Variants in KIFC3 observed in about 807,000 individuals in gnomAD.
KIFC3 encodes kinesin family member C3.
Under a neutral mutation model 101.8 loss-of-function variants are expected in KIFC3, and 60 were observed. The ratio of observed to expected loss-of-function variants is 0.59; its 90% CI spans 0.48 to 0.73. KIFC3 has a LOEUF of 0.73. Among genes scored for constraint, KIFC3 ranks in the 30% least tolerant of loss-of-function variants. The pLI is 0.00. For synonymous variants in KIFC3, 476 were observed against 482.7 expected (o/e 0.99, Z 0.18); for missense variants, 966 against 1,137.1 (o/e 0.85, Z 2.16).
chr16:57,798,614 G>C, intron 1 of KIFC3: 1 of 419,648 alleles, frequency 2.4e-6, no homozygotes, highest in Non-Finnish European at 4.3e-6. Context: ...AGGAGGCACC[G>C]CGAGTCAGCA....
intron 1 of KIFC3, among the ~76,000 whole-genome samples, chr16:57,845,289 G>A (rs1475805263): frequency 6.6e-6 from 1 of 152,110 alleles, no homozygotes; most frequent in Non-Finnish European, 1.5e-5. Context: ...CACTGCCAGT[G>A]CCCCCACCAT....
At chr16:57,775,422 G>C in intron 3 of KIFC3, 1 of 1,033,196 alleles carries the variant, frequency 9.7e-7, no homozygotes, top group Admixed American at 5.6e-5. Flanking sequence ...GCTCTACTGG[G>C]GGCTAGGTCT....
chr16:57,812,750 G>T lies in KIFC3; in HGVS notation c.109-14468C>A, dbSNP rs559860486. Reference sequence around the variant, plus strand: ...CCTGGACTGGAAACACCGAAACACCGGGCTGGCCAGGGCGCTCTCAGTTGC... The same window carrying T: ...CCTGGACTGGAAACACCGAAACACCTGGCTGGCCAGGGCGCTCTCAGTTGC... On this transcript the variant is annotated intron_variant, in intron 1 of 2. Coordinates refer to the KIFC3 transcript ENST00000563028. 4.6e-5 allele frequency among the ~76,000 whole-genome samples: 7 copies of T among 152,316 alleles called. No individual in the cohort carries two copies. The South Asian group carries it at 1.4e-3, about 32-fold the overall frequency.
chr16:57,765,583 G>C lies in KIFC3; in HGVS notation c.1388C>G (p.Pro463Arg), dbSNP rs2050396291. The C allele has an allele frequency of 1.2e-6, 2 of 1,610,970 alleles. No homozygotes were observed. Among genetic ancestry groups the C allele is most frequent in the African/African-American group, 1.3e-5 (1 of 74,902 alleles). The change falls in exon 11 of 20, where the codon CCT (proline) becomes CGT (arginine). Residue 463 changes from proline (P) to arginine (R), a missense_variant. Around this residue, in one of 2 missense-constraint regions of KIFC3, gnomAD observed 689 missense variants for 884.6 expected, o/e 0.78. Coordinates refer to ENST00000445690, the MANE Select transcript of KIFC3 (RefSeq NM_001130100.2). ...RPVTKEDGEG[P>R]EATNAVTFDA... Reference sequence around the variant, plus strand: ...GAAAGTCACAGCATTGGTGGCCTCAGGTCCTTCCCCATCCTCTTTGGTGAC... The same window carrying C: ...GAAAGTCACAGCATTGGTGGCCTCACGTCCTTCCCCATCCTCTTTGGTGAC...
At chr16:57,825,077 A>C (rs2911347) in intron 1 of KIFC3, among the ~76,000 whole-genome samples, 46,138 of 152,200 alleles carry the variant, frequency 0.3, 7,303 homozygotes, top group South Asian at 0.33. Flanking sequence ...AATGTGGCCT[A>C]CAGCACAACT....
chr16:57,845,424 C>T (rs1340029519), intron 1 of KIFC3, among the ~76,000 whole-genome samples: 1 of 152,170 alleles, frequency 6.6e-6, no homozygotes, highest in African/African-American at 2.4e-5. Flanking sequence ...GTCTGTGGCC[C>T]CCATATCGCT....
At position 57,797,705 on chromosome 16, in the gene KIFC3, C is replaced by CT. The variant is rs550496124; in HGVS notation, c.172+366dup. The CT allele has an allele frequency of 2.3e-4, 261 of 1,151,210 alleles. 1 individual carries two copies. The African/African-American group carries it at 4.2e-3, about 18-fold the overall frequency. 71.3% of individuals were successfully genotyped at this position (1,151,210 alleles called of 1,614,324 possible). A position where few individuals can be genotyped will look rare whatever the true frequency, so the allele number is the denominator to read the frequency against. On this transcript the variant is annotated intron_variant, in intron 2 of 19. Coordinates refer to ENST00000445690, the MANE Select transcript of KIFC3 (RefSeq NM_001130100.2). Reference sequence around the variant, plus strand: ...GTGCCCAGGCAGCCACTTCACCTACCTTGTTTACCAGCCTGGGCAGAGACC... The same window carrying CT: ...GTGCCCAGGCAGCCACTTCACCTACCTTTGTTTACCAGCCTGGGCAGAGACC...
chr16:57,765,761 C>T (rs1209617301), intron 10 of KIFC3, 121 bp from the exon 11 acceptor site: 1 of 869,832 alleles, frequency 1.1e-6, no homozygotes, highest in Non-Finnish European at 1.7e-6. Flanking sequence ...TAAGCACAGC[C>T]CCCTAGGGGA....
intron 11 of KIFC3, 30 bp from the exon 12 acceptor site, chr16:57,764,277 G>A: frequency 7.8e-7 from 1 of 1,288,834 alleles, no homozygotes; most frequent in Non-Finnish European, 1.1e-6. Context: ...GAGGCTGGTG[G>A]GGGGGCTTCC....
chr16:57,770,471 CA>C, intron 7 of KIFC3, 55 bp downstream of exon 7: 2 of 1,350,642 alleles, frequency 1.5e-6, no homozygotes, highest in Non-Finnish European at 1.9e-6. Context: ...TGCATTGGCC[CA>C]AGGGCCTGCC....
At chr16:57,774,824 G>C (rs1452796929) in intron 3 of KIFC3, 6 of 1,264,920 alleles carry the variant, frequency 4.7e-6, no homozygotes, top group Non-Finnish European at 6.2e-6. Context: ...CCTGCGCCCG[G>C]CCAGTAATTT....
At chr16:57,821,764 T>C (rs2967140) in intron 1 of KIFC3, among the ~76,000 whole-genome samples, 75,812 of 151,990 alleles carry the variant, frequency 0.5, 20,222 homozygotes, top group African/African-American at 0.68. Context: ...GAAAAAAAAT[T>C]TGTGTGGGCA....
rs565001100 is a variant in KIFC3, at chr16:57,862,618, C to T, written c.108+111G>A. On this transcript the variant is annotated intron_variant, in intron 1 of 2. Transcript: ENST00000563028. ...AACCATCTTCTAAGAATATTAGCTA[C>T]AATCCCAATCACTGTTTTTCAAAAA... 40 of 306,706 alleles carry T rather than the reference C, an allele frequency of 1.3e-4. 2 individuals are homozygous for T. The Admixed American group carries it at 1.5e-3, about 11-fold the overall frequency. The allele number at this position is 306,706 out of a possible 1,614,324, so 19.0% of individuals were successfully genotyped here.
In KIFC3 at chr16:57,798,471, G is replaced by T. The variant is rs74022053; in HGVS notation, c.-39-189C>A. 2,856 of 609,786 alleles carry T rather than the reference G, an allele frequency of 4.7e-3. 75 individuals are homozygous for T. The African/African-American group carries it at 0.049, about 10-fold the overall frequency. The allele number at this position is 609,786 out of a possible 1,614,324, so 37.8% of individuals were successfully genotyped here. ...ATGAAATGGGGCCTGCTGCCTTTTG[G>T]GGGTATTTGTTTCCGAATACGGAGG... On this transcript the variant is annotated intron_variant, in intron 1 of 19. Coordinates refer to ENST00000445690, the MANE Select transcript of KIFC3 (RefSeq NM_001130100.2).
intron 1 of KIFC3, among the ~76,000 whole-genome samples, chr16:57,856,554 AAAG>A (rs2056173427): frequency 2.0e-5 from 3 of 151,928 alleles, no homozygotes; most frequent in Admixed American, 2.0e-4. Context: ...AGAAAGAAAA[AAAG>A]AAAGAAAGAA....
At chr16:57,830,085 C>T (rs1012097304) in intron 1 of KIFC3, among the ~76,000 whole-genome samples, 12 of 152,096 alleles carry the variant, frequency 7.9e-5, no homozygotes, top group Non-Finnish European at 1.6e-4. Flanking sequence ...ATTATGTCCT[C>T]GAAAGGCCAG....
intron 1 of KIFC3, among the ~76,000 whole-genome samples, chr16:57,857,167 T>C (rs1453874178): frequency 6.6e-6 from 1 of 152,152 alleles, no homozygotes; most frequent in African/African-American, 2.4e-5. Flanking sequence ...GCTGTGTGTC[T>C]TCCAAGGATC....
At chr16:57,765,367 A>G in intron 11 of KIFC3, 92 bp downstream of exon 11, 2 of 1,293,062 alleles carry the variant, frequency 1.5e-6, no homozygotes, top group Non-Finnish European at 2.1e-6. Context: ...CCCCACTCTT[A>G]ACGCTTCTTC....
At position 57,798,086 on chromosome 16, in the gene KIFC3, C is replaced by CCCGGG; in HGVS notation, c.153_157dup (p.Gly53AlafsTer5). 3 of 1,592,742 alleles carry CCCGGG rather than the reference C, an allele frequency of 1.9e-6. No homozygotes were observed. Among genetic ancestry groups the CCCGGG allele is most frequent in the Non-Finnish European group, 2.6e-6 (3 of 1,170,086 alleles). On this transcript the variant is annotated frameshift_variant, in exon 2 of 20. Coordinates refer to ENST00000445690, the MANE Select transcript of KIFC3 (RefSeq NM_001130100.2). LOFTEE classifies it high-confidence loss of function. ...TGCGGACTCACCAGTTCTCAACCTCCCCGGGCCGGTGTGTGGGAAAGGGCG... is the reference window on the plus strand; with the variant it reads ...TGCGGACTCACCAGTTCTCAACCTCCCCGGGCCGGGCCGGTGTGTGGGAAAGGGCG...
Sources: allele counts gnomAD v4.1 joint callset (sites outside exome capture counted in the v4.1 genomes callset), GRCh38; gene constraint gnomAD v4.1.1; regional missense constraint gnomAD v4.1.1; transcripts MANE v1.5; gene names NCBI Gene and HGNC (gene_info 2026-07-23, HGNC 2026-07-21).